Variants in COL11A1 observed in about 807,000 individuals in gnomAD.
COL11A1 encodes collagen type XI alpha 1 chain, also known as collagen alpha-1(XI) chain.
COL11A1 carries 74 observed loss-of-function variants against 265.2 expected under a neutral mutation model. That is an observed-to-expected ratio of 0.28 (90% CI 0.23 to 0.34). The LOEUF is 0.34. Ranked by LOEUF, COL11A1 falls within the 10% of genes least tolerant of loss-of-function variation. The pLI is 1.00. For missense variants in COL11A1, 2,165 were observed against 2,263.6 expected (o/e 0.96, Z 0.88); for synonymous variants, 816 against 727.6 (o/e 1.12, Z -1.96).
intron 4 of COL11A1, among the ~76,000 whole-genome samples, chr1:103,053,100 G>A (rs760440477): frequency 4.6e-5 from 7 of 152,104 alleles, no homozygotes; most frequent in South Asian, 2.1e-4. Context: ...GTGCATTGCC[G>A]GCAGTAGCTA....
chr1:102,998,097 C>T (rs1158981502), intron 25 of COL11A1, among the ~76,000 whole-genome samples: 1 of 151,574 alleles, frequency 6.6e-6, no homozygotes, highest in Non-Finnish European at 1.5e-5. Context: ...CTTGGAGTGC[C>T]AAATGAGTTT....
chr1:102,956,890 C>A (rs1237104348), intron 41 of COL11A1, among the ~76,000 whole-genome samples: 3 of 149,650 alleles, frequency 2.0e-5, no homozygotes, highest in African/African-American at 4.9e-5. Context: ...AAAAAAAAAA[C>A]CAAGTCAGTT....
rs757857147 is a variant in COL11A1, at chr1:102,898,979, C to A, written c.4102G>T (p.Ala1368Ser). Reference protein sequence around the residue: ...PPGKRGPPGAAGAEGRQGEKG... With the variant: ...PPGKRGPPGASGAEGRQGEKG... Reference sequence around the variant, plus strand: ...TCACCTTGTCTTCCCTCTGCACCTGCAGCTCCAGGAGGACCCTATAGACAT... The same window carrying A: ...TCACCTTGTCTTCCCTCTGCACCTGAAGCTCCAGGAGGACCCTATAGACAT... The change falls in exon 55 of 67, where the codon GCA (alanine) becomes TCA (serine). Residue 1368 changes from alanine (A) to serine (S), a missense_variant. Ala to Ser is a moderately conservative substitution (Grantham distance 99). Coordinates refer to ENST00000370096, the MANE Select transcript of COL11A1 (RefSeq NM_001854.4). 6.5e-7 allele frequency: 1 copy of A among 1,547,266 alleles called. No individual in the cohort carries two copies. The highest frequency in any genetic ancestry group is 8.8e-7 in the Non-Finnish European group (1 of 1,139,462).
chr1:103,052,272 C>G (rs1669898107), intron 4 of COL11A1, among the ~76,000 whole-genome samples: 1 of 152,028 alleles, frequency 6.6e-6, no homozygotes, highest in African/African-American at 2.4e-5. Flanking sequence ...TAAAAAAAAC[C>G]TTAATGTTTA....
intron 66 of COL11A1, among the ~76,000 whole-genome samples, chr1:102,878,492 A>ATATATATATATATATATATG (rs1283975953): frequency 3.6e-5 from 4 of 112,460 alleles, no homozygotes; most frequent in Admixed American, 2.7e-4. Context: ...ATATATATAT[A>ATATATATATATATATATATG]TATATATATA....
intron 4 of COL11A1, among the ~76,000 whole-genome samples, chr1:103,053,812 T>C (rs1670019055): frequency 6.6e-6 from 1 of 152,228 alleles, no homozygotes; most frequent in African/African-American, 2.4e-5. Flanking sequence ...GCTCAACTTA[T>C]TGCCATAAAA....
At chr1:103,066,328 C>G (rs1246332748) in intron 4 of COL11A1, among the ~76,000 whole-genome samples, 1 of 151,408 alleles carries the variant, frequency 6.6e-6, no homozygotes, top group Non-Finnish European at 1.5e-5. Flanking sequence ...ATATACAGGT[C>G]TAATAAGTAT....
At chr1:103,087,587 C>T (rs1273804098) in intron 1 of COL11A1, among the ~76,000 whole-genome samples, 1 of 152,196 alleles carries the variant, frequency 6.6e-6, no homozygotes, top group Non-Finnish European at 1.5e-5. Flanking sequence ...ATTCAGTGTT[C>T]TACCATACTA....
At chr1:102,908,842 T>A (rs1332212823) in intron 54 of COL11A1, among the ~76,000 whole-genome samples, 14 of 152,248 alleles carry the variant, frequency 9.2e-5, no homozygotes, top group Admixed American at 2.6e-4. Context: ...TAAGGGTTTT[T>A]AAATACATTT....
chr1:103,046,581 T>A (rs2102089930), intron 4 of COL11A1, among the ~76,000 whole-genome samples: 1 of 151,264 alleles, frequency 6.6e-6, no homozygotes, highest in Admixed American at 6.6e-5. Context: ...TGGTAGTTTC[T>A]TTTGCTGTGC....
chr1:102,978,971 A>G lies in COL11A1; in HGVS notation c.2656-58T>C, dbSNP rs1195471125. 6.2e-6 allele frequency: 10 copies of G among 1,609,890 alleles called. No homozygotes were observed. In the African/African-American group the frequency reaches 1.2e-4, roughly 19 times the overall value. Reference sequence around the variant, plus strand: ...AATGCCAGACAAATCCAAAGACACTAAATCAATTTTTATTTTTGAAAAATA... The same window carrying G: ...AATGCCAGACAAATCCAAAGACACTGAATCAATTTTTATTTTTGAAAAATA... On this transcript the variant is annotated intron_variant, in intron 33 of 66. Transcript: ENST00000370096.
chr1:103,100,816 G>A (rs1245056936), intron 1 of COL11A1: 1 of 151,914 alleles, frequency 6.6e-6, no homozygotes, highest in African/African-American at 2.4e-5. Context: ...CTTACTAGCT[G>A]TGTGACTTTA....
rs116624602 is a variant in COL11A1 at position 102,893,217 on chromosome 1, G to A, written c.4303-2713C>T. 7.7e-3 allele frequency among the ~76,000 whole-genome samples: 1,178 copies of A among 152,184 alleles called. 7 individuals carry two copies. The highest frequency in any genetic ancestry group is 0.013 in the Non-Finnish European group (891 of 67,954). On this transcript the variant is annotated intron_variant, in intron 57 of 66. Transcript: ENST00000370096. ...AAATGGCAAGAAAAGAACTACTAGTGATTCTAATTGCTCAAGCTTAGTGAA... is the reference window on the plus strand; with the variant it reads ...AAATGGCAAGAAAAGAACTACTAGTAATTCTAATTGCTCAAGCTTAGTGAA...
At chr1:102,947,088 A>C in intron 41 of COL11A1, 132 bp from the exon 42 acceptor site, 1 of 804,840 alleles carries the variant, frequency 1.2e-6, no homozygotes, top group Non-Finnish European at 2.0e-6. Context: ...GATAATTTTA[A>C]GATCCCAAAG....
At chr1:102,917,626 C>T (rs1655495337) in intron 49 of COL11A1, among the ~76,000 whole-genome samples, 1 of 151,658 alleles carries the variant, frequency 6.6e-6, no homozygotes, top group Non-Finnish European at 1.5e-5. Context: ...TTCGTAGTAA[C>T]CCTCTATATG....
intron 40 of COL11A1, 35 bp from the exon 41 acceptor site, chr1:102,961,954 C>A (rs768470686): frequency 1.3e-6 from 2 of 1,587,566 alleles, no homozygotes; most frequent in Non-Finnish European, 8.6e-7. Flanking sequence ...AAAATGAATC[C>A]ATATGAATTG....
At chr1:102,953,785 C>T (rs1660115562) in intron 41 of COL11A1, among the ~76,000 whole-genome samples, 1 of 151,960 alleles carries the variant, frequency 6.6e-6, no homozygotes, top group Admixed American at 6.6e-5. Context: ...AAGGGTAGGG[C>T]TTTTTCCACC....
chr1:102,979,428 G>A lies in COL11A1; in HGVS notation c.2564C>T (p.Thr855Ile). 6.2e-7 allele frequency: 1 copy of A among 1,602,654 alleles called. No homozygotes were observed. The change falls in exon 32 of 67, where the codon ACT becomes ATT. Residue 855 changes from threonine to isoleucine, a missense_variant. Thr to Ile is a moderately conservative substitution (Grantham distance 89). Coordinates refer to ENST00000370096, the MANE Select transcript of COL11A1 (RefSeq NM_001854.4). The part of the protein sequence containing the change: ...YPGRQGPKGS[T>I]GFPGFPGANG... Reference sequence around the variant, plus strand: ...GGCACCTGGAAACCCAGGGAATCCAGTGGAACCCTACAATAATAAAAGTAA... The same window carrying A: ...GGCACCTGGAAACCCAGGGAATCCAATGGAACCCTACAATAATAAAAGTAA...
At chr1:102,965,155 GCC>G (rs984488705) in intron 38 of COL11A1, among the ~76,000 whole-genome samples, 1 of 151,864 alleles carries the variant, frequency 6.6e-6, no homozygotes, top group Non-Finnish European at 1.5e-5. Flanking sequence ...AAAGATAATG[GCC>G]CACCTATTTA....
Sources: gnomAD v4.1 joint callset for allele counts (sites outside exome capture counted in the v4.1 genomes callset) on GRCh38, gnomAD v4.1.1 for gene constraint, MANE v1.5 for transcripts, NCBI Gene and HGNC (gene_info 2026-07-23, HGNC 2026-07-21) for gene names.